Variants in KHDRBS3 observed in about 807,000 individuals in gnomAD.
The protein encoded by KHDRBS3 is KH RNA binding domain containing, signal transduction associated 3.
A neutral mutation model predicts 45.6 loss-of-function variants in KHDRBS3; 23 were observed. The observed-to-expected ratio is 0.50, with a 90% CI of 0.36 to 0.72. The LOEUF is 0.72. KHDRBS3 is among the 30% of genes least tolerant of loss of function. The probability of loss-of-function intolerance (pLI) is 0.00; values close to 1 mark genes in which losing one functional copy is unlikely to be tolerated. For synonymous variants in KHDRBS3, 162 were observed against 156.5 expected, an observed-to-expected ratio of 1.04 and a Z score of -0.26; for missense variants, 352 against 424.8, an observed-to-expected ratio of 0.83 and a Z score of 1.51.
intron 1 of KHDRBS3, among the ~76,000 whole-genome samples, chr8:135,513,532 T>A (rs1214971963): frequency 6.6e-6 from 1 of 152,144 alleles, no homozygotes; most frequent in African/African-American, 2.4e-5. Context: ...GCAGTTGGAG[T>A]CTGGCTGCAT....
intron 1 of KHDRBS3, among the ~76,000 whole-genome samples, chr8:135,483,349 T>C (rs1822681557): frequency 1.3e-5 from 2 of 152,200 alleles, no homozygotes; most frequent in Admixed American, 6.5e-5. Flanking sequence ...GCATGATGGA[T>C]TGTGGCAAGT....
chr8:135,528,313 T>A (rs1825295953), intron 2 of KHDRBS3, among the ~76,000 whole-genome samples: 2 of 152,194 alleles, frequency 1.3e-5, no homozygotes, highest in African/African-American at 4.8e-5. Flanking sequence ...GAAGTGGGCT[T>A]GCATTTTTTC....
intron 3 of KHDRBS3, among the ~76,000 whole-genome samples, chr8:135,544,077 C>T (rs770179509): frequency 5.3e-5 from 8 of 152,076 alleles, no homozygotes; most frequent in Non-Finnish European, 1.2e-4. Flanking sequence ...GCCAGTTGGT[C>T]AGAAATTATG....
At chr8:135,611,459 A>G (rs1304148025) in intron 7 of KHDRBS3, among the ~76,000 whole-genome samples, 1 of 151,904 alleles carries the variant, frequency 6.6e-6, no homozygotes, top group South Asian at 2.1e-4. Context: ...GCAGCTATAT[A>G]TAGTGTGGGG....
At chr8:135,488,042 T>G (rs928303406) in intron 1 of KHDRBS3, among the ~76,000 whole-genome samples, 3 of 152,244 alleles carry the variant, frequency 2.0e-5, no homozygotes, top group African/African-American at 7.2e-5. Flanking sequence ...CATAGGTGCA[T>G]ATGTCTATAT....
chr8:135,549,374 A>G (rs1411047021), intron 4 of KHDRBS3: 3 of 152,334 alleles, frequency 2.0e-5, no homozygotes, highest in Non-Finnish European at 4.4e-5. Context: ...ATTTCAGTAC[A>G]ACATGATAAA....
At chr8:135,643,026 C>A (rs1463923111) in intron 7 of KHDRBS3, among the ~76,000 whole-genome samples, 1 of 152,052 alleles carries the variant, frequency 6.6e-6, no homozygotes, top group African/African-American at 2.4e-5. Flanking sequence ...ATCTTCTGAC[C>A]TCGTGATCCG....
chr8:135,521,097 T>C (rs16905386), intron 1 of KHDRBS3, 140 bp from the exon 2 acceptor site: 20 of 628,696 alleles, frequency 3.2e-5, no homozygotes, highest in Non-Finnish European at 2.6e-5. Flanking sequence ...AAACCGGAAA[T>C]GTACTTGAAA....
At chr8:135,583,103 T>C (rs1828294297) in intron 6 of KHDRBS3, among the ~76,000 whole-genome samples, 1 of 152,016 alleles carries the variant, frequency 6.6e-6, no homozygotes, top group South Asian at 2.1e-4. Flanking sequence ...AGGTCAATCA[T>C]TGCTAGGGAA....
chr8:135,601,715 G>A (rs1404009318), intron 6 of KHDRBS3, among the ~76,000 whole-genome samples: 1 of 152,122 alleles, frequency 6.6e-6, no homozygotes, highest in Non-Finnish European at 1.5e-5. Context: ...CCAGGTCTTG[G>A]CAAGCTTTTT....
intron 6 of KHDRBS3, among the ~76,000 whole-genome samples, chr8:135,600,845 C>T (rs914397110): frequency 5.9e-5 from 9 of 152,104 alleles, no homozygotes; most frequent in Admixed American, 4.6e-4. Flanking sequence ...AATACAGGTG[C>T]CCACCACCAT....
chr8:135,618,207 C>A (rs931761916), intron 7 of KHDRBS3, among the ~76,000 whole-genome samples: 1 of 152,106 alleles, frequency 6.6e-6, no homozygotes, highest in Admixed American at 6.5e-5. Context: ...CCTGAACTTA[C>A]AATATAACAG....
chr8:135,483,485 T>G (rs1822690266), intron 1 of KHDRBS3, among the ~76,000 whole-genome samples: 1 of 152,170 alleles, frequency 6.6e-6, no homozygotes, highest in Non-Finnish European at 1.5e-5. Context: ...TGGAGGGAAT[T>G]TTCTGCCCTT....
chr8:135,519,693 T>G (rs1051127433), intron 1 of KHDRBS3, among the ~76,000 whole-genome samples: 1 of 152,238 alleles, frequency 6.6e-6, no homozygotes, highest in Admixed American at 6.5e-5. Context: ...AGACAATTAT[T>G]AGCAGATCTG....
At chr8:135,541,089 C>T (rs534731177) in intron 2 of KHDRBS3, 13 of 152,142 alleles carry the variant, frequency 8.5e-5, no homozygotes, top group African/African-American at 1.2e-4. Context: ...CAGTCGTATT[C>T]GTAAATATTT....
chr8:135,510,433 T>C (rs1824220616), intron 1 of KHDRBS3, among the ~76,000 whole-genome samples: 2 of 152,158 alleles, frequency 1.3e-5, no homozygotes, highest in African/African-American at 4.8e-5. Flanking sequence ...AGTTAGAGGA[T>C]AGTTGATGGT....
At chr8:135,473,388 G>A (rs1822112688) in intron 1 of KHDRBS3, among the ~76,000 whole-genome samples, 1 of 152,128 alleles carries the variant, frequency 6.6e-6, no homozygotes, top group Non-Finnish European at 1.5e-5. Flanking sequence ...TTTTTGGTTA[G>A]TGTTGCTACT....
chr8:135,617,592 T>C (rs900395221), intron 7 of KHDRBS3, among the ~76,000 whole-genome samples: 2 of 152,200 alleles, frequency 1.3e-5, no homozygotes, highest in Admixed American at 1.3e-4. Context: ...GCTACTATTA[T>C]TATACCATTT....
chr8:135,458,374 G>T (rs974957389), intron 1 of KHDRBS3, among the ~76,000 whole-genome samples: 1 of 152,178 alleles, frequency 6.6e-6, no homozygotes, highest in African/African-American at 2.4e-5. Flanking sequence ...GAGGAAAATG[G>T]AAGGACTTGA....
Sources: gnomAD v4.1 joint callset for allele counts (sites outside exome capture counted in the v4.1 genomes callset) on GRCh38, gnomAD v4.1.1 for gene constraint, MANE v1.5 for transcripts, NCBI Gene and HGNC (gene_info 2026-07-23, HGNC 2026-07-21) for gene names.